Variants in TACC1 observed in about 807,000 individuals in gnomAD.
TACC1 encodes the protein transforming acidic coiled-coil containing protein 1.
In TACC1, 48 loss-of-function variants were observed where a neutral mutation model predicts 84.4. That is an observed-to-expected ratio of 0.57 (90% CI 0.45 to 0.72). The LOEUF (loss-of-function observed/expected upper bound fraction) is 0.72, where lower values mean the gene tolerates loss of function less well. Ranked by LOEUF, TACC1 falls within the 30% of genes least tolerant of loss-of-function variation. The pLI is 0.00. For missense variants in TACC1, 920 were observed against 973.0 expected, an observed-to-expected ratio of 0.95 and a Z score of 0.72; for synonymous variants, 372 against 376.3, an observed-to-expected ratio of 0.99 and a Z score of 0.13.
At chr8:38,828,408 A>AAT (rs1165890829) in intron 5 of TACC1, among the ~76,000 whole-genome samples, 1 of 152,226 alleles carries the variant, frequency 6.6e-6, no homozygotes, top group African/African-American at 2.4e-5. Flanking sequence ...AAATATATTT[A>AAT]ATATAAGTTT....
intron 2 of TACC1, among the ~76,000 whole-genome samples, chr8:38,802,705 G>A (rs1821685448): frequency 6.6e-6 from 1 of 152,204 alleles, no homozygotes; most frequent in African/African-American, 2.4e-5. Context: ...GCATCAGGGA[G>A]CTTCCAATTA....
intron 2 of TACC1, among the ~76,000 whole-genome samples, chr8:38,790,010 A>G (rs907581306): frequency 1.3e-5 from 2 of 152,256 alleles, no homozygotes; most frequent in African/African-American, 4.8e-5. Flanking sequence ...TTACAATAAC[A>G]GAAATTATTC....
In TACC1 at chr8:38,741,157, A is replaced by AT. The variant is rs34749807; in HGVS notation, c.-674-1178dup. Among the ~76,000 whole-genome samples, 1,324 of 137,760 alleles carry AT rather than the reference A, an allele frequency of 9.6e-3. 9 individuals carry two copies. Among genetic ancestry groups the AT allele is most frequent in the African/African-American group, 0.018 (663 of 37,754 alleles). 90.4% of individuals were successfully genotyped at this position (137,760 alleles called of 152,430 possible). ...CATTTAAAAAAATACTCATGCTGCTATTTTTTTTTTTTTTTTGAGACGGAG... is the reference window on the plus strand; with the variant it reads ...CATTTAAAAAAATACTCATGCTGCTATTTTTTTTTTTTTTTTTGAGACGGAG... On this transcript the variant is annotated intron_variant, in intron 1 of 14. Transcript: ENST00000518415.
intron 3 of TACC1, among the ~76,000 whole-genome samples, chr8:38,764,084 C>G (rs1281918789): frequency 6.6e-6 from 1 of 151,952 alleles, no homozygotes; most frequent in African/African-American, 2.4e-5. Context: ...GCATCCTTTT[C>G]TTTTCTTTTT....
At chr8:38,845,203 C>T (rs986989610) in intron 11 of TACC1, among the ~76,000 whole-genome samples, 2 of 152,224 alleles carry the variant, frequency 1.3e-5, no homozygotes, top group Admixed American at 6.5e-5. Flanking sequence ...GGATTACAGG[C>T]ATGAACCACT....
chr8:38,796,966 C>T (rs1338667600), intron 2 of TACC1, among the ~76,000 whole-genome samples: 1 of 152,216 alleles, frequency 6.6e-6, no homozygotes, highest in Non-Finnish European at 1.5e-5. Context: ...TTTGAGAATG[C>T]TGTCAAGATG....
At chr8:38,808,088 G>A (rs888202380) in intron 2 of TACC1, among the ~76,000 whole-genome samples, 2 of 152,162 alleles carry the variant, frequency 1.3e-5, no homozygotes, top group Non-Finnish European at 2.9e-5. Flanking sequence ...TTCATCTACT[G>A]ATCTAATCTC....
rs144152072 is a variant in TACC1 at position 38,776,994 on chromosome 8, G to A, written c.27-11710G>A. On this transcript the variant is annotated intron_variant, in intron 3 of 14. Transcript: ENST00000518415. ...TTTTAGGCTGGGCACGGTGGCTCAC[G>A]CCTGTAATTCCAGCACTTTGGGAGG... Among the ~76,000 whole-genome samples the A allele has an allele frequency of 2.4e-3, 359 of 152,252 alleles. 4 individuals are homozygous for A. The highest frequency in any genetic ancestry group is 7.7e-3 in the African/African-American group (322 of 41,560).
At chr8:38,824,493 C>A (rs1827584386) in intron 3 of TACC1, among the ~76,000 whole-genome samples, 1 of 152,196 alleles carries the variant, frequency 6.6e-6, no homozygotes, top group Non-Finnish European at 1.5e-5. Context: ...AGATCATGAA[C>A]TAGTGATTAT....
At chr8:38,751,063 A>G (rs578177401) in intron 3 of TACC1, among the ~76,000 whole-genome samples, 5 of 152,312 alleles carry the variant, frequency 3.3e-5, no homozygotes, top group South Asian at 2.1e-4. Context: ...GAATGAACCA[A>G]TTTTATTCTT....
intron 2 of TACC1, among the ~76,000 whole-genome samples, chr8:38,794,961 G>A (rs1819625136): frequency 6.6e-6 from 1 of 152,036 alleles, no homozygotes. Context: ...TTTTTGTACT[G>A]TATAATTCCA....
chr8:38,798,568 G>A (rs1206480467), intron 2 of TACC1, among the ~76,000 whole-genome samples: 2 of 151,380 alleles, frequency 1.3e-5, no homozygotes, highest in African/African-American at 4.9e-5. Flanking sequence ...TGGAGGTTAG[G>A]AAGGGGTTTA....
intron 3 of TACC1, 107 bp downstream of exon 3, chr8:38,820,742 G>A (rs146552469): frequency 6.2e-6 from 9 of 1,449,804 alleles, no homozygotes; most frequent in African/African-American, 5.6e-5. Flanking sequence ...GAGGTGCACC[G>A]AGGTTCATAC....
At chr8:38,737,686 G>A (rs748942378) in intron 1 of TACC1, among the ~76,000 whole-genome samples, 16 of 151,706 alleles carry the variant, frequency 1.1e-4, no homozygotes, top group Non-Finnish European at 2.1e-4. Flanking sequence ...CAGTCCCTCT[G>A]TCCAGATCCC....
upstream of TACC1, among the ~76,000 whole-genome samples, chr8:38,782,418 CATT>C (rs1352044533): frequency 2.0e-5 from 3 of 152,070 alleles, no homozygotes; most frequent in African/African-American, 7.2e-5. Flanking sequence ...TCCAGTCTAT[CATT>C]GTTGGACATT....
chr8:38,819,722 A>T lies in TACC1; in HGVS notation c.478A>T (p.Thr160Ser). 2 of 1,614,174 alleles carry T rather than the reference A, an allele frequency of 1.2e-6. No homozygotes were observed. Among genetic ancestry groups the T allele is most frequent in the Non-Finnish European group, 1.7e-6 (2 of 1,180,034 alleles). ...RPFSIETKDSTDISAVLGTKA... is the reference protein window; with the variant it reads ...RPFSIETKDSSDISAVLGTKA... The stretch of plus-strand genomic sequence containing the variant: ...ATTTTCAATAGAAACGAAGGATTCC[A>T]CGGATATCTCGGCAGTCCTCGGAAC... The change falls in exon 3 of 13, where the codon ACG becomes TCG. Residue 160 changes from threonine (T) to serine (S), a missense_variant. Transcript: ENST00000317827.
At chr8:38,768,681 G>A (rs1812777377) in intron 3 of TACC1, among the ~76,000 whole-genome samples, 1 of 147,296 alleles carries the variant, frequency 6.8e-6, no homozygotes, top group South Asian at 2.1e-4. Context: ...GTGTGTGTCA[G>A]ACAGAGAGAG....
intron 3 of TACC1, among the ~76,000 whole-genome samples, chr8:38,758,785 A>G (rs539562075): frequency 2.0e-5 from 3 of 151,722 alleles, no homozygotes; most frequent in Non-Finnish European, 4.4e-5. Context: ...GAGCCATTGA[A>G]TTACTATAGT....
At chr8:38,846,652 A>G (rs1324594639) in intron 11 of TACC1, 47 bp from the exon 12 acceptor site, 3 of 1,609,594 alleles carry the variant, frequency 1.9e-6, no homozygotes, top group South Asian at 1.1e-5. Flanking sequence ...ACTAGTGGCT[A>G]ATCATGTGCT....
Sources: gnomAD v4.1 joint callset for allele counts (sites outside exome capture counted in the v4.1 genomes callset) on GRCh38, gnomAD v4.1.1 for gene constraint, MANE v1.5 for transcripts, NCBI Gene and HGNC (gene_info 2026-07-23, HGNC 2026-07-21) for gene names.